The following TUBGCP3 variants were observed in gnomAD, a reference collection of about 807,000 sequenced individuals.
TUBGCP3 encodes gamma-tubulin complex component 3.
A neutral mutation model predicts 123.1 loss-of-function variants in TUBGCP3; 50 were observed. The observed-to-expected ratio is 0.41, with a 90% CI of 0.32 to 0.51. The LOEUF (loss-of-function observed/expected upper bound fraction) is 0.51. TUBGCP3 is among the 20% of genes least tolerant of loss of function. TUBGCP3 has a pLI of 0.36. For synonymous variants in TUBGCP3, 405 were observed against 413.9 expected (o/e 0.98, Z 0.26); for missense variants, 882 against 1,127.0 (o/e 0.78, Z 3.11).
chr13:112,491,046 T>C (rs891905171), intron 20 of TUBGCP3, among the ~76,000 whole-genome samples: 2 of 152,238 alleles, frequency 1.3e-5, no homozygotes, highest in Non-Finnish European at 2.9e-5. Flanking sequence ...CTCCTCCCGC[T>C]ACCTCTCAGA....
intron 20 of TUBGCP3, among the ~76,000 whole-genome samples, chr13:112,493,415 G>A (rs548438385): frequency 6.8e-6 from 1 of 147,088 alleles, no homozygotes; most frequent in East Asian, 2.1e-4. Context: ...TGGTGTCCCT[G>A]AGACACTCTG....
intron 17 of TUBGCP3, among the ~76,000 whole-genome samples, chr13:112,513,501 A>G (rs1381402745): frequency 6.6e-6 from 1 of 152,202 alleles, no homozygotes; most frequent in African/African-American, 2.4e-5. Flanking sequence ...TTGCTAAAAC[A>G]CTAGGGTGAT....
At chr13:112,586,416 A>C (rs1882613930) in intron 1 of TUBGCP3, among the ~76,000 whole-genome samples, 2 of 152,192 alleles carry the variant, frequency 1.3e-5, no homozygotes, top group Non-Finnish European at 2.9e-5. Flanking sequence ...AAGTCCTAAC[A>C]ATCTTAGTTT....
In TUBGCP3 at chr13:112,558,222, C is replaced by A; in HGVS notation, c.522G>T (p.Ala174=). 6.2e-7 allele frequency: 1 copy of A among 1,611,704 alleles called. No individual in the cohort carries two copies. The highest frequency in any genetic ancestry group is 1.1e-5 in the South Asian group (1 of 90,910). ...SIGLCALSGP[A]PAPQSLLPGQ... The stretch of plus-strand genomic sequence containing the variant: ...CTGGGAGGAGAGATTGTGGCGCAGG[C>A]GCGGGGCCACTGAGGGCACACAGGC... Residue 174 remains alanine (A), a synonymous_variant, in exon 5 of 22, where the codon GCG becomes GCT. Coordinates refer to ENST00000261965, the MANE Select transcript of TUBGCP3 (RefSeq NM_006322.6).
chr13:112,551,057 C>T (rs1879537255), intron 8 of TUBGCP3, among the ~76,000 whole-genome samples: 1 of 152,080 alleles, frequency 6.6e-6, no homozygotes, highest in Admixed American at 6.5e-5. Context: ...CGAGATCGCG[C>T]CACTGCACTC....
At chr13:112,517,761 T>C (rs927720936) in intron 16 of TUBGCP3, among the ~76,000 whole-genome samples, 2 of 152,040 alleles carry the variant, frequency 1.3e-5, no homozygotes, top group African/African-American at 2.4e-5. Flanking sequence ...CATGGTGGCT[T>C]GTGCCTGTAA....
At chr13:112,496,422 C>T (rs1002473214) in intron 20 of TUBGCP3, among the ~76,000 whole-genome samples, 3 of 152,206 alleles carry the variant, frequency 2.0e-5, no homozygotes, top group East Asian at 1.9e-4. Context: ...TTCCAGGAGG[C>T]GACTTGCATG....
intron 20 of TUBGCP3, chr13:112,489,928 T>C: frequency 1.8e-6 from 1 of 549,298 alleles, no homozygotes; most frequent in Non-Finnish European, 3.2e-6. Context: ...AGACTGCCTC[T>C]GTTGTTTTTA....
At chr13:112,500,812 G>A (rs535222031) in intron 19 of TUBGCP3, among the ~76,000 whole-genome samples, 1 of 152,310 alleles carries the variant, frequency 6.6e-6, no homozygotes, top group East Asian at 1.9e-4. Context: ...TTGTCTAATG[G>A]ACTAATACTA....
intron 18 of TUBGCP3, 118 bp downstream of exon 18, chr13:112,504,508 T>G (rs1294230510): frequency 7.4e-6 from 5 of 676,170 alleles, no homozygotes; most frequent in African/African-American, 5.9e-5. Context: ...AAAGAAAAAA[T>G]TATGTATATA....
At chr13:112,584,102 T>C (rs1180696724) in intron 1 of TUBGCP3, 2 of 152,236 alleles carry the variant, frequency 1.3e-5, no homozygotes, top group Non-Finnish European at 2.9e-5. Flanking sequence ...ATCAACGTTA[T>C]CAGGTTCTTG....
At position 112,547,610 on chromosome 13, in the gene TUBGCP3, C is replaced by T. The variant is rs150846173; in HGVS notation, c.1168+10G>A. On this transcript the variant is annotated intron_variant, in intron 10 of 21. Transcript: ENST00000261965. The stretch of plus-strand genomic sequence containing the variant: ...GGGAAAGACGTGCGTGGGAAAGACG[C>T]GCGTGGGACCTTGGCAGTGGTCCAC... 162 of 1,499,600 alleles carry T rather than the reference C, an allele frequency of 1.1e-4. 1 individual carries two copies. The East Asian group carries it at 2.6e-3, about 24-fold the overall frequency. 92.9% of individuals were successfully genotyped at this position (1,499,600 alleles called of 1,614,324 possible).
At chr13:112,487,823 G>T (rs1879780206) in intron 21 of TUBGCP3, among the ~76,000 whole-genome samples, 1 of 152,060 alleles carries the variant, frequency 6.6e-6, no homozygotes, top group Admixed American at 6.6e-5. Context: ...TTATCGTGAA[G>T]AAAAATAAAT....
At chr13:112,591,512 T>C (rs888182840), upstream of TUBGCP3, among the ~76,000 whole-genome samples, 1 of 152,230 alleles carries the variant, frequency 6.6e-6, no homozygotes, top group African/African-American at 2.4e-5. Context: ...GAAACAAACA[T>C]CTTCTTGCAG....
the TUBGCP3 span, among the ~76,000 whole-genome samples, chr13:112,599,442 G>A: frequency 0.17 from 25,553 of 151,868 alleles, 3,358 homozygotes; most frequent in African/African-American, 0.36. Context: ...TATTTATATT[G>A]GTATTTATGG....
chr13:112,499,867 G>A (rs543413392), intron 19 of TUBGCP3, among the ~76,000 whole-genome samples: 27 of 152,202 alleles, frequency 1.8e-4, no homozygotes, highest in Non-Finnish European at 3.1e-4. Context: ...ATTGTGGCAT[G>A]GAAGGACACA....
chr13:112,591,373 T>G (rs1882879699), upstream of TUBGCP3, among the ~76,000 whole-genome samples: 1 of 152,256 alleles, frequency 6.6e-6, no homozygotes, highest in Non-Finnish European at 1.5e-5. Flanking sequence ...GGCCTGTATC[T>G]AGACAAACCC....
intron 1 of TUBGCP3, among the ~76,000 whole-genome samples, chr13:112,579,352 C>T (rs965666231): frequency 6.6e-6 from 1 of 151,104 alleles, no homozygotes; most frequent in African/African-American, 2.4e-5. Context: ...ATCCCTGGAG[C>T]TCTCCCACAC....
the TUBGCP3 span, among the ~76,000 whole-genome samples, chr13:112,601,673 C>T: frequency 6.8e-6 from 1 of 147,958 alleles, no homozygotes; most frequent in Non-Finnish European, 1.5e-5. Context: ...CCGACTCATC[C>T]CCAGCCATGT....
Sources: gnomAD v4.1 joint callset for allele counts (sites outside exome capture counted in the v4.1 genomes callset) on GRCh38, gnomAD v4.1.1 for gene constraint, MANE v1.5 for transcripts, NCBI Gene and HGNC (gene_info 2026-07-23, HGNC 2026-07-21) for gene names.